Variants in UNC13C observed in about 807,000 individuals in gnomAD.
The protein encoded by UNC13C is protein unc-13 homolog C.
In UNC13C, 174 loss-of-function variants were observed where a neutral mutation model predicts 245.4. The ratio of observed to expected loss-of-function variants is 0.71; its 90% CI spans 0.63 to 0.80. The LOEUF is 0.80. Among genes scored for constraint, UNC13C ranks in the 30% least tolerant of loss-of-function variants. UNC13C has a pLI of 0.00. For synonymous variants in UNC13C, 992 were observed against 895.1 expected (o/e 1.11, Z -1.93); for missense variants, 2,829 against 2,602.9 (o/e 1.09, Z -1.89).
the UNC13C span, among the ~76,000 whole-genome samples, chr15:53,866,721 T>G: frequency 2.4e-4 from 37 of 152,302 alleles, no homozygotes; most frequent in African/African-American, 8.7e-4. Context: ...GATAAATTAG[T>G]TGCTAGAAAT....
chr15:54,474,186 A>T (rs1892606658), intron 19 of UNC13C, among the ~76,000 whole-genome samples: 1 of 151,910 alleles, frequency 6.6e-6, no homozygotes, highest in South Asian at 2.1e-4. Flanking sequence ...GGGGTGGTAA[A>T]TACCCAGTAG....
At chr15:54,616,206 TTCAA>T (rs1189108582) in intron 30 of UNC13C, among the ~76,000 whole-genome samples, 2 of 152,002 alleles carry the variant, frequency 1.3e-5, no homozygotes, top group Non-Finnish European at 2.9e-5. Context: ...TATAAGCTTT[TTCAA>T]TCAATCAGCA....
chr15:54,338,440 A>G lies in UNC13C; in HGVS notation c.4664A>G (p.Lys1555Arg), dbSNP rs1178015265. The change falls in exon 17 of 33, where the codon AAG becomes AGG. Residue 1555 changes from lysine to arginine, a missense_variant. Lys to Arg is a conservative substitution (Grantham distance 26, BLOSUM62 2). Transcript: ENST00000260323. ...CVRACLDSTYKYIFDNCHELY... is the reference protein window; with the variant it reads ...CVRACLDSTYRYIFDNCHELY... ...AGGGCTTGCCTGGATTCTACATACAAGTATATTTTTGACAACTGCCATGAA... is the reference window on the plus strand; with the variant it reads ...AGGGCTTGCCTGGATTCTACATACAGGTATATTTTTGACAACTGCCATGAA... 4 of 1,613,722 alleles carry G rather than the reference A, an allele frequency of 2.5e-6. No homozygotes were observed. The highest frequency in any genetic ancestry group is 3.3e-5 in the Admixed American group (2 of 59,992).
chr15:54,575,225 G>A lies in UNC13C; in HGVS notation c.6106+7278G>A, dbSNP rs565064736. 9.2e-5 allele frequency among the ~76,000 whole-genome samples: 14 copies of A among 152,130 alleles called. No homozygotes were observed. In the East Asian group the frequency reaches 2.7e-3, roughly 29 times the overall value. ...TAATTTTTGTAATTTTAGTAGAGAC[G>A]GTGTTTCACCATGTTGGCCAGGCTG... is the stretch of plus-strand genomic sequence containing the variant. On this transcript the variant is annotated intron_variant, in intron 30 of 32. Transcript: ENST00000260323.
chr15:54,450,264 A>G (rs919605632), intron 19 of UNC13C, among the ~76,000 whole-genome samples: 3 of 152,120 alleles, frequency 2.0e-5, no homozygotes, highest in Non-Finnish European at 4.4e-5. Context: ...GATCTCAAAC[A>G]CTGTGCTGGG....
chr15:53,845,181 C>T, the UNC13C span, among the ~76,000 whole-genome samples: 4 of 151,772 alleles, frequency 2.6e-5, no homozygotes, highest in South Asian at 2.1e-4. Context: ...AAAATTAGCC[C>T]GGGTGTGGTG....
chr15:54,290,573 T>C (rs756490254), intron 10 of UNC13C, among the ~76,000 whole-genome samples: 5 of 152,058 alleles, frequency 3.3e-5, no homozygotes, highest in Non-Finnish European at 7.4e-5. Context: ...TAATATTGTC[T>C]CTCCCTCCTT....
chr15:53,997,955 A>G (rs1894709940), intron 1 of UNC13C, among the ~76,000 whole-genome samples: 1 of 152,020 alleles, frequency 6.6e-6, no homozygotes, highest in Admixed American at 6.6e-5. Flanking sequence ...GGTGTGCGCC[A>G]CCATGACCAG....
chr15:54,568,546 A>G (rs998563029), intron 30 of UNC13C, among the ~76,000 whole-genome samples: 1 of 152,144 alleles, frequency 6.6e-6, no homozygotes, highest in Non-Finnish European at 1.5e-5. Context: ...TTACTGTTCA[A>G]AAATTTTTCT....
chr15:54,059,387 C>G (rs186649065), intron 2 of UNC13C, among the ~76,000 whole-genome samples: 2 of 152,060 alleles, frequency 1.3e-5, no homozygotes, highest in Non-Finnish European at 2.9e-5. Flanking sequence ...GAATAAAATA[C>G]CTAGGAATCC....
chr15:54,592,860 T>C (rs1034959296), intron 30 of UNC13C, among the ~76,000 whole-genome samples: 15 of 112,150 alleles, frequency 1.3e-4, no homozygotes, highest in Non-Finnish European at 2.7e-4. Context: ...TACTTTGTTT[T>C]TTGTTTTTTT....
chr15:54,194,271 G>T (rs1030885969), intron 4 of UNC13C, among the ~76,000 whole-genome samples: 1 of 152,048 alleles, frequency 6.6e-6, no homozygotes, highest in Non-Finnish European at 1.5e-5. Context: ...AGGTTCTTAG[G>T]CAAATGCTGT....
At chr15:54,612,264 G>A (rs2141291085) in intron 30 of UNC13C, among the ~76,000 whole-genome samples, 1 of 133,984 alleles carries the variant, frequency 7.5e-6, no homozygotes, top group African/African-American at 3.1e-5. Flanking sequence ...TAAAATATAT[G>A]CTAATGTGAT....
intron 30 of UNC13C, among the ~76,000 whole-genome samples, chr15:54,581,884 G>GT (rs1452653995): frequency 6.6e-6 from 1 of 152,160 alleles, no homozygotes; most frequent in Non-Finnish European, 1.5e-5. Context: ...GATGAAAGAA[G>GT]TAGATTGTCA....
At chr15:53,902,085 C>CT in the UNC13C span, among the ~76,000 whole-genome samples, 1 of 149,836 alleles carries the variant, frequency 6.7e-6, no homozygotes, top group African/African-American at 2.4e-5. Context: ...CTCAGGCATA[C>CT]TTTTTTTCTT....
At chr15:54,623,177 T>C (rs1900905571) in intron 31 of UNC13C, among the ~76,000 whole-genome samples, 1 of 151,782 alleles carries the variant, frequency 6.6e-6, no homozygotes, top group Non-Finnish European at 1.5e-5. Context: ...TATTTACACA[T>C]GAGAATCTTC....
rs569879885 is a variant in UNC13C, at chr15:54,287,440, A to G, written c.3819-6455A>G. On this transcript the variant is annotated intron_variant, in intron 10 of 32. Transcript: ENST00000260323. ...TTACTATGTTTTTTATTCTTTTCCTACTTGATCCAATCAGAATTGCATTAA... is the reference window on the plus strand; with the variant it reads ...TTACTATGTTTTTTATTCTTTTCCTGCTTGATCCAATCAGAATTGCATTAA... Among the ~76,000 whole-genome samples the G allele has an allele frequency of 2.6e-5, 4 of 152,314 alleles. No individual in the cohort carries two copies. In the South Asian group the frequency reaches 6.2e-4, roughly 24 times the overall value.
chr15:54,174,864 A>T (rs2141290853), intron 4 of UNC13C, among the ~76,000 whole-genome samples: 1 of 152,308 alleles, frequency 6.6e-6, no homozygotes, highest in South Asian at 2.1e-4. Flanking sequence ...TCTTGATTTC[A>T]ATTTAATTAA....
chr15:54,538,423 G>T lies in UNC13C; in HGVS notation c.5696+5357G>T, dbSNP rs143917258. On this transcript the variant is annotated intron_variant, in intron 26 of 32. Transcript: ENST00000260323. ...GAATGTAAGTTAATTCATCCACTGT[G>T]GAAAACAGCTTGGAGAGTTCTCAAC... is the stretch of plus-strand genomic sequence containing the variant. Among the ~76,000 whole-genome samples, 12 of 152,136 alleles carry T rather than the reference G, an allele frequency of 7.9e-5. No individual in the cohort carries two copies. In the East Asian group the frequency reaches 1.9e-3, roughly 25 times the overall value.
Sources: allele counts gnomAD v4.1 joint callset (sites outside exome capture counted in the v4.1 genomes callset), GRCh38; gene constraint gnomAD v4.1.1; transcripts MANE v1.5; gene names NCBI Gene and HGNC (gene_info 2026-07-23, HGNC 2026-07-21).